NCOA6: variants seen among roughly 807,000 people sequenced by gnomAD.
NCOA6 encodes the protein NRC RAP250.
A neutral mutation model predicts 171.4 loss-of-function variants in NCOA6; 49 were observed. That is an observed-to-expected ratio of 0.29 (90% CI 0.23 to 0.36). The LOEUF (loss-of-function observed/expected upper bound fraction) is 0.36, where lower values mean the gene tolerates loss of function less well. Among genes scored for constraint, NCOA6 ranks in the 10% least tolerant of loss-of-function variants. The pLI, the probability that NCOA6 is intolerant of heterozygous loss-of-function variation, is 1.00. For missense variants in NCOA6, 2,248 were observed against 2,554.5 expected (o/e 0.88, Z 2.59); for synonymous variants, 910 against 927.5 (o/e 0.98, Z 0.34).
chr20:34,715,568 T>C (rs114162789), intron 14 of NCOA6, among the ~76,000 whole-genome samples: 71 of 152,158 alleles, frequency 4.7e-4, no homozygotes, highest in African/African-American at 1.7e-3. Flanking sequence ...TTGGGCAGAA[T>C]TGGAATGTGA....
intron 1 of NCOA6, among the ~76,000 whole-genome samples, chr20:34,806,310 T>C (rs770323949): frequency 1.2e-4 from 18 of 152,248 alleles, no homozygotes; most frequent in Non-Finnish European, 2.4e-4. Flanking sequence ...TTCCAGATAT[T>C]AATCCCTTGT....
intron 4 of NCOA6, among the ~76,000 whole-genome samples, chr20:34,771,904 T>C (rs548213077): frequency 6.6e-6 from 1 of 152,236 alleles, no homozygotes; most frequent in Non-Finnish European, 1.5e-5. Context: ...TTCCATGTAA[T>C]CATTCACTCA....
intron 1 of NCOA6, among the ~76,000 whole-genome samples, chr20:34,818,652 T>C (rs960930862): frequency 6.6e-6 from 1 of 152,204 alleles, no homozygotes; most frequent in African/African-American, 2.4e-5. Context: ...AGATACTAAC[T>C]ATTCTTGGCA....
Position 34,757,562 on chromosome 20 carries a change from G to C in NCOA6, c.1186C>G (p.Pro396Ala). The C allele has an allele frequency of 6.2e-7, 1 of 1,614,000 alleles. No individual in the cohort carries two copies. The highest frequency in any genetic ancestry group is 1.1e-5 in the South Asian group (1 of 91,086). The change falls in exon 7 of 15, where the codon CCA (proline) becomes GCA (alanine). Residue 396 changes from proline to alanine, a missense_variant. Pro to Ala is a conservative substitution (Grantham distance 27). Around this residue, in one of 7 missense-constraint regions of NCOA6, gnomAD observed 987 missense variants for 1,104.7 expected, o/e 0.89. Coordinates refer to ENST00000359003, the MANE Select transcript of NCOA6 (RefSeq NM_014071.5). ...AHTNFPQMSN[P>A]GQFTAPQMKS... ...ATCTGAGGAGCTGTGAACTGGCCTG[G>C]GTTGCTCATCTGAGGAAAGTTTGTG... is the stretch of plus-strand genomic sequence containing the variant.
At chr20:34,813,081 C>T (rs1045194814) in intron 1 of NCOA6, among the ~76,000 whole-genome samples, 2 of 151,508 alleles carry the variant, frequency 1.3e-5, no homozygotes, top group African/African-American at 2.4e-5. Flanking sequence ...ATTGCTTGAA[C>T]CCGGGAGGAG....
At chr20:34,740,326 A>C in intron 11 of NCOA6, 37 bp downstream of exon 11, 1 of 1,576,606 alleles carries the variant, frequency 6.3e-7, no homozygotes, top group Non-Finnish European at 8.6e-7. Context: ...TCATCAAAAA[A>C]CTGACACAAA....
intron 1 of NCOA6, among the ~76,000 whole-genome samples, chr20:34,804,466 C>A (rs2078373891): frequency 6.9e-6 from 1 of 145,808 alleles, no homozygotes. Context: ...ATGACTGCAT[C>A]ACTGTACTCC....
At chr20:34,823,304 G>A (rs947274908) in intron 1 of NCOA6, among the ~76,000 whole-genome samples, 2 of 152,022 alleles carry the variant, frequency 1.3e-5, no homozygotes, top group African/African-American at 2.4e-5. Context: ...GATCACTTGA[G>A]CTCAGGATTT....
rs561011847 is a variant in NCOA6 at position 34,768,556 on chromosome 20, T to C, written c.422A>G (p.Gln141Arg). The C allele has an allele frequency of 6.2e-6, 10 of 1,614,038 alleles. No homozygotes were observed. The highest frequency in any genetic ancestry group is 8.5e-6 in the Non-Finnish European group (10 of 1,180,018). ...GEGAINLALA[Q>R]NRSQDVRMNG... ...CATTCTCACATCTTGGCTTCGGTTC[T>C]GAGCCAAAGCCAGGTTAATAGCACC... The change falls in exon 5 of 15, where the codon CAG (glutamine) becomes CGG (arginine). Residue 141 changes from glutamine to arginine, a missense_variant. Around this residue, in one of 7 missense-constraint regions of NCOA6, gnomAD observed 987 missense variants for 1,104.7 expected, o/e 0.89. Transcript: ENST00000359003.
At position 34,741,290 on chromosome 20, in the gene NCOA6, T is replaced by C. The variant is rs1213238614; in HGVS notation, c.4966A>G (p.Ile1656Val). 3.1e-6 allele frequency: 5 copies of C among 1,614,066 alleles called. No individual in the cohort carries two copies. The highest frequency in any genetic ancestry group is 4.2e-6 in the Non-Finnish European group (5 of 1,180,042). Residue 1656 changes from isoleucine (I) to valine (V), a missense_variant, in exon 11 of 15, where the codon ATT (isoleucine) becomes GTT (valine). By Grantham distance (29) the Ile-to-Val change is conservative. This residue lies in a region of NCOA6 where 884 missense variants were observed against 941.9 expected (regional missense o/e 0.94). Coordinates refer to ENST00000359003, the MANE Select transcript of NCOA6 (RefSeq NM_014071.5). ...AAQSNARPQF[I>V]TPVFINSSSI... ...GATGAATTGATAAAGACAGGTGTAA[T>C]GAACTGAGGCCGGGCATTAGACTGA... is the stretch of plus-strand genomic sequence containing the variant.
chr20:34,763,767 C>T (rs559765212), intron 5 of NCOA6, among the ~76,000 whole-genome samples: 18 of 152,294 alleles, frequency 1.2e-4, no homozygotes, highest in South Asian at 8.3e-4. Flanking sequence ...TCCCACCTAA[C>T]GTCTAGAGCC....
intron 1 of NCOA6, among the ~76,000 whole-genome samples, chr20:34,808,649 C>G (rs1390924288): frequency 1.3e-5 from 2 of 152,042 alleles, no homozygotes; most frequent in Non-Finnish European, 2.9e-5. Flanking sequence ...TGTTGGTCAG[C>G]CTGGTCTTGA....
chr20:34,715,030 A>C lies in NCOA6; in HGVS notation c.*292T>G, dbSNP rs575258777. 6 of 373,890 alleles carry C rather than the reference A, an allele frequency of 1.6e-5. No homozygotes were observed. The highest frequency in any genetic ancestry group is 1.2e-4 in the Admixed American group (3 of 25,492). The allele number at this position is 373,890 out of a possible 1,614,324, so 23.2% of individuals were successfully genotyped here. On this transcript the variant is annotated 3_prime_UTR_variant, in exon 15 of 15. Transcript: ENST00000359003. The stretch of plus-strand genomic sequence containing the variant: ...GGAGATCTAAAAATGCTCACCCTGT[A>C]CTCTAGGCTGCTTAGGAAATGTGAA...
intron 11 of NCOA6, 111 bp from the exon 12 acceptor site, chr20:34,736,869 G>T: frequency 1.1e-6 from 1 of 889,590 alleles, no homozygotes; most frequent in Non-Finnish European, 1.6e-6. Context: ...ACTCTTAGAG[G>T]GCAGTACTCA....
At chr20:34,739,023 G>GGGGAAATAGAGCTTCTTCA in intron 11 of NCOA6, 1 of 438,314 alleles carries the variant, frequency 2.3e-6, no homozygotes, top group South Asian at 1.6e-5. Flanking sequence ...ACTCCACTCT[G>GGGGAAATAGAGCTTCTTCA]GGGAAATAGA....
rs377670575 is a variant in NCOA6 at position 34,741,167 on chromosome 20, C to G, written c.5089G>C (p.Val1697Leu). ...SGLMPPSVAV[V>L]GPLHIPQNIK... ...TTCTGAGGTATGTGTAAAGGGCCAA[C>G]AACTGCAACAGAGGGAGGCATCAGG... The change falls in exon 11 of 15, where the codon GTT becomes CTT. Residue 1697 changes from valine to leucine, a missense_variant. By Grantham distance (32) the Val-to-Leu change is conservative (BLOSUM62 1). Coordinates refer to ENST00000359003, the MANE Select transcript of NCOA6 (RefSeq NM_014071.5). The G allele has an allele frequency of 3.7e-6, 6 of 1,614,212 alleles. No homozygotes were observed. The African/African-American group carries it at 5.3e-5, about 14-fold the overall frequency.
intron 2 of NCOA6, among the ~76,000 whole-genome samples, chr20:34,787,064 C>G (rs2077705694): frequency 6.6e-6 from 1 of 151,638 alleles, no homozygotes; most frequent in Admixed American, 6.6e-5. Flanking sequence ...TTTTTGCAAT[C>G]TACCCATCTG....
At position 34,749,595 on chromosome 20, in the gene NCOA6, G is replaced by A. The variant is rs2076406678; in HGVS notation, c.2600C>T (p.Ser867Phe). ...TGGGAAGCCTGGATTTTGACCACAG[G>A]ACATCTGATTTCCATTGGGAGCTCC... ...FSGAPNGNQM[S>F]CGQNPGFPVN... Residue 867 changes from serine to phenylalanine, a missense_variant, in exon 9 of 15, where the codon TCC becomes TTC. Physicochemically the swap from Ser to Phe is radical, Grantham distance 155. Around this residue, in one of 7 missense-constraint regions of NCOA6, gnomAD observed 987 missense variants for 1,104.7 expected, o/e 0.89. Coordinates refer to ENST00000359003, the MANE Select transcript of NCOA6 (RefSeq NM_014071.5). 1 of 1,614,178 alleles carries A rather than the reference G, an allele frequency of 6.2e-7. No homozygotes were observed. The highest frequency in any genetic ancestry group is 8.5e-7 in the Non-Finnish European group (1 of 1,180,048).
chr20:34,744,482 G>T (rs2076245016), intron 10 of NCOA6, among the ~76,000 whole-genome samples: 1 of 152,092 alleles, frequency 6.6e-6, no homozygotes, highest in African/African-American at 2.4e-5. Flanking sequence ...ACATTAGGGA[G>T]GTTTTAAGAA....
Sources: gnomAD v4.1 joint callset for allele counts (sites outside exome capture counted in the v4.1 genomes callset) on GRCh38, gnomAD v4.1.1 for gene constraint, gnomAD v4.1.1 regional missense constraint, MANE v1.5 for transcripts, NCBI Gene and HGNC (gene_info 2026-07-23, HGNC 2026-07-21) for gene names.